The following PIEZO2 variants were observed in gnomAD, a reference collection of about 807,000 sequenced individuals.
PIEZO2 encodes the protein piezo type mechanosensitive ion channel component 2.
A neutral mutation model predicts 337.3 loss-of-function variants in PIEZO2; 172 were observed. The observed-to-expected ratio is 0.51, with a 90% CI of 0.45 to 0.58. The LOEUF (loss-of-function observed/expected upper bound fraction) is 0.58, where lower values mean the gene tolerates loss of function less well. Among genes scored for constraint, PIEZO2 ranks in the 20% least tolerant of loss-of-function variants. The pLI is 0.00. For synonymous variants in PIEZO2, 1,251 were observed against 1,228.5 expected, an observed-to-expected ratio of 1.02 and a Z score of -0.38; for missense variants, 3,028 against 3,391.3, an observed-to-expected ratio of 0.89 and a Z score of 2.66.
chr18:11,071,079 C>A (rs979802174), intron 1 of PIEZO2, among the ~76,000 whole-genome samples: 1 of 152,072 alleles, frequency 6.6e-6, no homozygotes, highest in Non-Finnish European at 1.5e-5. Flanking sequence ...TGCAATAAAG[C>A]AAAATCCATG....
Position 10,862,039 on chromosome 18 carries a change from A to G in PIEZO2, c.493-4828T>C, listed in dbSNP as rs1386661846. 1.3e-5 allele frequency among the ~76,000 whole-genome samples: 2 copies of G among 152,102 alleles called. No individual in the cohort carries two copies. The highest frequency in any genetic ancestry group is 6.5e-5 in the Admixed American group (1 of 15,270). Reference sequence around the variant, plus strand: ...TCTCAAAAAAAAAATTAATAAATAAAACAAAATAATAAAAAATAAAATAGT... The same window carrying G: ...TCTCAAAAAAAAAATTAATAAATAAGACAAAATAATAAAAAATAAAATAGT... On this transcript the variant is annotated intron_variant, in intron 5 of 55. Transcript: ENST00000674853. This position sits in a 1 kb window ranked among gnomAD's most constrained non-coding sequence, Gnocchi z 4.4.
chr18:10,829,591 G>T (rs1244387425), intron 7 of PIEZO2, among the ~76,000 whole-genome samples: 1 of 151,940 alleles, frequency 6.6e-6, no homozygotes, highest in African/African-American at 2.4e-5. Flanking sequence ...TGACAAACAA[G>T]TTCAATAAAC....
chr18:10,779,984 T>G (rs1413189568), intron 18 of PIEZO2, among the ~76,000 whole-genome samples: 1 of 152,160 alleles, frequency 6.6e-6, no homozygotes, highest in Non-Finnish European at 1.5e-5. Flanking sequence ...AGGAGGTGGT[T>G]CTTGAGCTGA....
At chr18:10,702,812 T>G (rs1170075619) in intron 42 of PIEZO2, among the ~76,000 whole-genome samples, 1 of 152,220 alleles carries the variant, frequency 6.6e-6, no homozygotes, top group African/African-American at 2.4e-5. Flanking sequence ...CTCAGTGCAA[T>G]GTGACAAGAA....
At position 10,870,261 on chromosome 18, in the gene PIEZO2, C is replaced by T. The variant is rs1024309837; in HGVS notation, c.492+992G>A. Among the ~76,000 whole-genome samples, 39 of 152,252 alleles carry T rather than the reference C, an allele frequency of 2.6e-4. No homozygotes were observed. Among genetic ancestry groups the T allele is most frequent in the African/African-American group, 9.4e-4 (39 of 41,534 alleles). On this transcript the variant is annotated intron_variant, in intron 5 of 55. Transcript: ENST00000674853. The surrounding 1 kb of genome is among the most constrained non-coding windows in gnomAD (Gnocchi z 5.3). Reference sequence around the variant, plus strand: ...TTAAATAAGCATACAAGGAAATTGTCTGCTTTCTTGTGAACCATATAAATC... The same window carrying T: ...TTAAATAAGCATACAAGGAAATTGTTTGCTTTCTTGTGAACCATATAAATC...
At chr18:10,989,448 C>T (rs1385269954) in intron 2 of PIEZO2, among the ~76,000 whole-genome samples, 4 of 151,142 alleles carry the variant, frequency 2.6e-5, no homozygotes, top group Non-Finnish European at 2.9e-5. Flanking sequence ...TTTGGAGTGA[C>T]GAGTGTGTTC....
Position 10,718,277 on chromosome 18 carries a change from T to C in PIEZO2, c.5030-18A>G, listed in dbSNP as rs748029520. On this transcript the variant is annotated intron_variant, in intron 36 of 55. Coordinates refer to ENST00000674853, the MANE Select transcript of PIEZO2 (RefSeq NM_001378183.1). ...CACAGGACCTGCCAAGTGTGTTCAA[T>C]AAAGATGAGTTAAATTCCATCTAGG... is the stretch of plus-strand genomic sequence containing the variant. 7 of 1,530,184 alleles carry C rather than the reference T, an allele frequency of 4.6e-6. No individual in the cohort carries two copies. The highest frequency in any genetic ancestry group is 5.3e-6 in the Non-Finnish European group (6 of 1,140,682). The allele number at this position is 1,530,184 out of a possible 1,614,324, so 94.8% of individuals were successfully genotyped here.
At position 10,703,828 on chromosome 18, in the gene PIEZO2, C is replaced by T. The variant is rs138751360; in HGVS notation, c.6258+566G>A. 5.0e-3 allele frequency among the ~76,000 whole-genome samples: 763 copies of T among 152,340 alleles called. 3 individuals are homozygous for T. The highest frequency in any genetic ancestry group is 0.02 in the Middle Eastern group (6 of 294). On this transcript the variant is annotated intron_variant, in intron 42 of 55. Coordinates refer to ENST00000674853, the MANE Select transcript of PIEZO2 (RefSeq NM_001378183.1). ...TGAAAATGGGCTGACATCCACCCTT[C>T]AGATGCTAAGCGGGTGCTTGTACAA...
chr18:11,144,654 A>G (rs2040760739), intron 1 of PIEZO2, among the ~76,000 whole-genome samples: 2 of 152,246 alleles, frequency 1.3e-5, no homozygotes, highest in South Asian at 4.1e-4. Flanking sequence ...AGGGAGTTTT[A>G]GAGATTCTTT....
intron 52 of PIEZO2, among the ~76,000 whole-genome samples, chr18:10,679,625 G>T (rs1446170976): frequency 6.6e-6 from 1 of 152,182 alleles, no homozygotes; most frequent in Non-Finnish European, 1.5e-5. Flanking sequence ...AGTTCTTGCT[G>T]CATCAGAGCT....
chr18:11,124,875 G>A (rs910792200), intron 1 of PIEZO2, among the ~76,000 whole-genome samples: 10 of 152,178 alleles, frequency 6.6e-5, no homozygotes, highest in Admixed American at 6.5e-4. Context: ...GGCAGAAATG[G>A]AGAAAACAGA....
intron 47 of PIEZO2, among the ~76,000 whole-genome samples, chr18:10,692,713 C>A (rs1018533958): frequency 1.3e-5 from 2 of 152,202 alleles, no homozygotes; most frequent in African/African-American, 4.8e-5. Flanking sequence ...CTGTTCTGTT[C>A]CATTGTTCTG....
chr18:11,122,156 CA>C (rs2040046673), intron 1 of PIEZO2, among the ~76,000 whole-genome samples: 1 of 152,092 alleles, frequency 6.6e-6, no homozygotes, highest in East Asian at 1.9e-4. Flanking sequence ...GGGGTTTCAC[CA>C]TGTTAGCCAG....
Position 11,077,064 on chromosome 18 carries a change from C to T in PIEZO2, c.65-10842G>A, listed in dbSNP as rs2038573502. On this transcript the variant is annotated intron_variant, in intron 1 of 55. Transcript: ENST00000674853. The surrounding 1 kb of genome is among the most constrained non-coding windows in gnomAD (Gnocchi z 4.8). The stretch of plus-strand genomic sequence containing the variant: ...AGGAAATAAAGCTTTTATGCTCATA[C>T]ATAATTTCTTAAACTATCAGACAAA... Among the ~76,000 whole-genome samples, 1 of 152,178 alleles carries T rather than the reference C, an allele frequency of 6.6e-6. No individual in the cohort carries two copies.
At chr18:10,917,794 AGGCAGCTGAACATGTG>A (rs2031100292) in intron 3 of PIEZO2, among the ~76,000 whole-genome samples, 1 of 152,214 alleles carries the variant, frequency 6.6e-6, no homozygotes, top group African/African-American at 2.4e-5. Flanking sequence ...AGGGGCTGCC[AGGCAGCTGAACATGTG>A]GCCTGGCACA....
At chr18:10,968,316 T>A (rs1034913997) in intron 3 of PIEZO2, among the ~76,000 whole-genome samples, 5 of 152,238 alleles carry the variant, frequency 3.3e-5, no homozygotes, top group African/African-American at 1.2e-4. Flanking sequence ...TATGTGCCTA[T>A]TTTAATACCA....
At position 10,677,712 on chromosome 18, in the gene PIEZO2, A is replaced by G. The variant is rs894856871; in HGVS notation, c.8081+35T>C. ...CATTTTGTACCAGCTGCATATACCT[A>G]ACAAAGCTCTATTAGTAGGAAAAAA... On this transcript the variant is annotated intron_variant, in intron 53 of 55. Transcript: ENST00000674853. This position sits in a 1 kb window ranked among gnomAD's most constrained non-coding sequence, Gnocchi z 4.1. 1 of 1,598,572 alleles carries G rather than the reference A, an allele frequency of 6.3e-7. No homozygotes were observed. Among genetic ancestry groups the G allele is most frequent in the African/African-American group, 1.4e-5 (1 of 73,992 alleles).
rs1204065419 is a variant in PIEZO2 at position 10,849,649 on chromosome 18, C to T, written c.917+5704G>A. On this transcript the variant is annotated intron_variant, in intron 7 of 55. Coordinates refer to ENST00000674853, the MANE Select transcript of PIEZO2 (RefSeq NM_001378183.1). ...AGGAAACGCATGAGGATATGCACAC[C>T]TCGAGCTGGGGGAAACCGAACATCA... 3.3e-5 allele frequency among the ~76,000 whole-genome samples: 5 copies of T among 152,226 alleles called. No homozygotes were observed. The East Asian group carries it at 7.7e-4, about 23-fold the overall frequency.
intron 1 of PIEZO2, among the ~76,000 whole-genome samples, chr18:11,090,719 G>A (rs1243207555): frequency 1.3e-5 from 2 of 152,096 alleles, no homozygotes; most frequent in African/African-American, 4.8e-5. Flanking sequence ...AGACCATCCT[G>A]GCTAACACGG....
Sources: allele counts gnomAD v4.1 joint callset (sites outside exome capture counted in the v4.1 genomes callset), GRCh38; gene constraint gnomAD v4.1.1; non-coding constraint Gnocchi (gnomAD v3.1); transcripts MANE v1.5; gene names NCBI Gene and HGNC (gene_info 2026-07-23, HGNC 2026-07-21).